USP32: variants seen among roughly 807,000 people sequenced by gnomAD.
The protein encoded by USP32 is ubiquitin carboxyl-terminal hydrolase 32.
USP32 carries 59 observed loss-of-function variants against 204.8 expected under a neutral mutation model. The observed-to-expected ratio is 0.29, with a 90% confidence interval of 0.23 to 0.36. The LOEUF is 0.36. USP32 is among the 10% of genes least tolerant of loss of function. The pLI, the probability that USP32 is intolerant of heterozygous loss-of-function variation, is 1.00. For missense variants in USP32, 1,160 were observed against 1,946.4 expected, an observed-to-expected ratio of 0.60 and a Z score of 7.60; for synonymous variants, 517 against 678.4, an observed-to-expected ratio of 0.76 and a Z score of 3.70.
chr17:60,371,020 G>A (rs575051472), intron 1 of USP32, among the ~76,000 whole-genome samples: 2 of 151,712 alleles, frequency 1.3e-5, no homozygotes, highest in Admixed American at 1.3e-4. Flanking sequence ...TTGAGACCAG[G>A]AGGTTGAGAC....
At chr17:60,201,219 T>G (rs1390311998) in intron 26 of USP32, among the ~76,000 whole-genome samples, 2 of 152,212 alleles carry the variant, frequency 1.3e-5, no homozygotes, top group Non-Finnish European at 2.9e-5. Flanking sequence ...ATTTATACTC[T>G]ATATAACTAC....
chr17:60,307,489 TAGAG>T (rs376366511), intron 2 of USP32, among the ~76,000 whole-genome samples: 80 of 152,188 alleles, frequency 5.3e-4, no homozygotes, highest in African/African-American at 1.8e-3. Flanking sequence ...ACATTCTTCA[TAGAG>T]AAAGAAAAAG....
chr17:60,290,975 G>GT (rs2087258714), intron 4 of USP32, among the ~76,000 whole-genome samples: 2 of 152,132 alleles, frequency 1.3e-5, no homozygotes, highest in Admixed American at 6.5e-5. Context: ...AATACCAAAT[G>GT]TTTACAATGT....
At chr17:60,198,063 T>C (rs1172961423) in intron 27 of USP32, among the ~76,000 whole-genome samples, 197 bp downstream of exon 27, 1 of 152,208 alleles carries the variant, frequency 6.6e-6, no homozygotes, top group African/African-American at 2.4e-5. Flanking sequence ...GACACTAGAA[T>C]GTTTGGCAAA....
chr17:60,204,469 T>C (rs1260322672), intron 26 of USP32, among the ~76,000 whole-genome samples: 6 of 148,798 alleles, frequency 4.0e-5, no homozygotes, highest in Middle Eastern at 3.4e-3. Context: ...GGAGATACTT[T>C]TTTTTTTTTT....
intron 5 of USP32, among the ~76,000 whole-genome samples, chr17:60,283,239 G>T (rs2087017250): frequency 6.6e-6 from 1 of 152,188 alleles, no homozygotes; most frequent in African/African-American, 2.4e-5. Context: ...TCATGGTGTG[G>T]TCACGGTATA....
chr17:60,359,725 T>C (rs2089161652), intron 1 of USP32, among the ~76,000 whole-genome samples: 1 of 152,064 alleles, frequency 6.6e-6, no homozygotes, highest in Non-Finnish European at 1.5e-5. Flanking sequence ...GGTGGGAGGA[T>C]CACTTAAGCC....
chr17:60,193,321 T>C (rs1466912000), intron 27 of USP32, among the ~76,000 whole-genome samples: 2 of 152,228 alleles, frequency 1.3e-5, no homozygotes, highest in Non-Finnish European at 1.5e-5. Context: ...CACCGACACA[T>C]TGCAGAAAGC....
intron 2 of USP32, among the ~76,000 whole-genome samples, chr17:60,344,946 GCACAGTGGCGCCGGTTAAA>G (rs2088750994): frequency 6.6e-6 from 1 of 152,108 alleles, no homozygotes; most frequent in African/African-American, 2.4e-5. Flanking sequence ...CTACAGGGAC[GCACAGTGGCGCCGGTTAAA>G]CATATTATTT....
chr17:60,253,320 G>C (rs908748768), intron 10 of USP32, among the ~76,000 whole-genome samples: 19 of 151,788 alleles, frequency 1.3e-4, no homozygotes, highest in Non-Finnish European at 1.5e-5. Flanking sequence ...AACTGTACAT[G>C]AGCAATACAT....
intron 1 of USP32, among the ~76,000 whole-genome samples, chr17:60,355,468 CA>C (rs2089047817): frequency 6.6e-6 from 1 of 152,108 alleles, no homozygotes; most frequent in Non-Finnish European, 1.5e-5. Context: ...TCTAAAAAAG[CA>C]GCAAGAACAC....
intron 3 of USP32, among the ~76,000 whole-genome samples, chr17:60,301,052 C>T (rs2087561234): frequency 6.6e-6 from 1 of 152,186 alleles, no homozygotes; most frequent in African/African-American, 2.4e-5. Flanking sequence ...GAATAATTTC[C>T]AGCATGTGGA....
intron 1 of USP32, among the ~76,000 whole-genome samples, chr17:60,360,745 T>C (rs1461709333): frequency 6.6e-6 from 1 of 151,858 alleles, no homozygotes; most frequent in Non-Finnish European, 1.5e-5. Context: ...GTGAAAAAAA[T>C]GTGGTTGTTG....
chr17:60,355,334 C>T (rs2089042642), intron 1 of USP32, among the ~76,000 whole-genome samples: 1 of 152,114 alleles, frequency 6.6e-6, no homozygotes, highest in African/African-American at 2.4e-5. Flanking sequence ...TAGAAATGTT[C>T]TGTATCTTGT....
At chr17:60,364,181 T>G (rs1432135396) in intron 1 of USP32, among the ~76,000 whole-genome samples, 1 of 152,048 alleles carries the variant, frequency 6.6e-6, no homozygotes, top group Non-Finnish European at 1.5e-5. Flanking sequence ...GCAAAGCAAG[T>G]TCTCTCAGGC....
intron 28 of USP32, among the ~76,000 whole-genome samples, chr17:60,191,021 T>C (rs1429251643): frequency 4.6e-5 from 7 of 152,146 alleles, no homozygotes; most frequent in Admixed American, 4.6e-4. Context: ...CCAAATTCAG[T>C]TATTGAATGC....
intron 2 of USP32, among the ~76,000 whole-genome samples, chr17:60,316,484 A>G (rs2087981276): frequency 1.3e-5 from 2 of 152,196 alleles, no homozygotes; most frequent in African/African-American, 4.8e-5. Flanking sequence ...ACGTTTCCGC[A>G]GTTCAACTAG....
intron 3 of USP32, among the ~76,000 whole-genome samples, chr17:60,299,211 G>A (rs1428833255): frequency 6.6e-6 from 1 of 152,076 alleles, no homozygotes; most frequent in East Asian, 1.9e-4. Flanking sequence ...GCATATTATT[G>A]TATGACAATT....
intron 1 of USP32, among the ~76,000 whole-genome samples, chr17:60,400,604 G>A (rs774758623): frequency 3.3e-5 from 5 of 152,206 alleles, no homozygotes; most frequent in Admixed American, 1.3e-4. Flanking sequence ...TTACATTTGA[G>A]ATGTCTATTA....
Sources: allele counts gnomAD v4.1 joint callset (sites outside exome capture counted in the v4.1 genomes callset), GRCh38; gene constraint gnomAD v4.1.1; transcripts MANE v1.5; gene names NCBI Gene and HGNC (gene_info 2026-07-23, HGNC 2026-07-21).